KIF15: variants seen among roughly 807,000 people sequenced by gnomAD.
The protein encoded by KIF15 is kinesin-like protein KIF15.
Under a neutral mutation model 190.6 loss-of-function variants are expected in KIF15, and 140 were observed. The observed-to-expected ratio is 0.73, with a 90% CI of 0.64 to 0.84. The LOEUF is 0.84. Ranked by LOEUF, KIF15 falls within the 40% of genes least tolerant of loss-of-function variation. The pLI is 0.00. For synonymous variants in KIF15, 528 were observed against 551.3 expected (o/e 0.96, Z 0.59); for missense variants, 1,372 against 1,584.4 (o/e 0.87, Z 2.28).
downstream of KIF15, among the ~76,000 whole-genome samples, chr3:44,857,546 G>A (rs374637670): frequency 5.9e-5 from 9 of 152,208 alleles, no homozygotes; most frequent in East Asian, 9.6e-4. Context: ...GTCACAGAGA[G>A]CTAGTGCAGG....
Position 44,851,981 on chromosome 3 carries a change from T to A in KIF15, c.3972+29T>A, listed in dbSNP as rs1699076871. ...TGCTAGTGTGTTGGTGTTTTCATGA[T>A]ACTTAGAACACTCAAATGAATAGAA... is the stretch of plus-strand genomic sequence containing the variant. On this transcript the variant is annotated intron_variant, in intron 33 of 34. Coordinates refer to ENST00000326047, the MANE Select transcript of KIF15 (RefSeq NM_020242.3). 10 of 1,593,966 alleles carry A rather than the reference T, an allele frequency of 6.3e-6. No homozygotes were observed. In the East Asian group the frequency reaches 2.2e-4, roughly 36 times the overall value.
chr3:44,787,864 GT>G (rs1459079605), intron 7 of KIF15, among the ~76,000 whole-genome samples: 9 of 150,818 alleles, frequency 6.0e-5, no homozygotes, highest in Admixed American at 6.6e-5. Flanking sequence ...TTTTTTATTT[GT>G]TTTTTTGGAG....
At chr3:44,837,076 T>C (rs1049370656) in intron 26 of KIF15, among the ~76,000 whole-genome samples, 13 of 152,184 alleles carry the variant, frequency 8.5e-5, no homozygotes, top group Non-Finnish European at 4.4e-5. Flanking sequence ...TGTAACTTTC[T>C]TACGTTTTAA....
intron 6 of KIF15, chr3:44,865,393 T>A: frequency 1.7e-6 from 1 of 597,796 alleles, no homozygotes; most frequent in Non-Finnish European, 2.8e-6. Context: ...ATCTGTACAG[T>A]GCTTTGGATT....
chr3:44,794,435 GA>G lies in KIF15; in HGVS notation c.849+12del. The G allele has an allele frequency of 6.4e-7, 1 of 1,566,786 alleles. No individual in the cohort carries two copies. The highest frequency in any genetic ancestry group is 8.7e-7 in the Non-Finnish European group (1 of 1,153,552). On this transcript the variant is annotated intron_variant, in intron 8 of 34. Coordinates refer to ENST00000326047, the MANE Select transcript of KIF15 (RefSeq NM_020242.3). ...AAGGGATGAGATTGAAGGTAAGAAT[GA>G]AATTATGGTCTTCAACTTGTGTGTG...
At chr3:44,849,356 C>G (rs1698980010) in intron 32 of KIF15, among the ~76,000 whole-genome samples, 1 of 152,142 alleles carries the variant, frequency 6.6e-6, no homozygotes, top group Non-Finnish European at 1.5e-5. Flanking sequence ...GGCCCAGTAG[C>G]TCACGCCTGT....
chr3:44,853,462 C>T (rs1027588156), downstream of KIF15, among the ~76,000 whole-genome samples: 2 of 152,166 alleles, frequency 1.3e-5, no homozygotes, highest in African/African-American at 4.8e-5. Context: ...CTGATGGATA[C>T]TTGAATTGTT....
Position 44,827,380 on chromosome 3 carries a change from A to T in KIF15, c.2787-79A>T, listed in dbSNP as rs1297567513. 7.0e-6 allele frequency: 7 copies of T among 993,636 alleles called. No homozygotes were observed. The East Asian group carries it at 1.7e-4, about 24-fold the overall frequency. The allele number at this position is 993,636 out of a possible 1,614,324, so 61.6% of individuals were successfully genotyped here. A position where few individuals can be genotyped will look rare whatever the true frequency, so the allele number is the denominator to read the frequency against. ...TGCCTAACAAAGTTCATTTGCACTT[A>T]ATCTATTCTGTACTAACAGATTCAG... On this transcript the variant is annotated intron_variant, in intron 22 of 34. Transcript: ENST00000326047.
At position 44,761,828 on chromosome 3, in the gene KIF15, C is replaced by A. The variant is rs184678594; in HGVS notation, c.-38C>A. ...CGGTGCAGTCGGGAGGTGGAGGCACCGGCTGCATTGTTTTCGGGATCGAGG... is the reference window on the plus strand; with the variant it reads ...CGGTGCAGTCGGGAGGTGGAGGCACAGGCTGCATTGTTTTCGGGATCGAGG... On this transcript the variant is annotated 5_prime_UTR_variant, in exon 1 of 35. Transcript: ENST00000326047. The A allele has an allele frequency of 1.9e-6, 3 of 1,614,076 alleles. No individual in the cohort carries two copies. Among genetic ancestry groups the A allele is most frequent in the Middle Eastern group, 1.6e-4 (1 of 6,062 alleles).
In KIF15 at chr3:44,851,844, T is replaced by G. The variant is rs1407709331; in HGVS notation, c.3864T>G (p.Thr1288=). 8 of 1,613,936 alleles carry G rather than the reference T, an allele frequency of 5.0e-6. No individual in the cohort carries two copies. In the South Asian group the frequency reaches 8.8e-5, roughly 18 times the overall value. ...YNKEMECLRM[T]DEVERTQTLE... is the part of the protein sequence containing the mutation. ...AAGAGATGGAATGCCTTAGAATGAC[T>G]GATGAAGTCGAACGAACCCAAACTT... The change falls in exon 33 of 35, where the codon ACT becomes ACG. Residue 1288 remains threonine, a synonymous_variant. Transcript: ENST00000326047.
At chr3:44,800,553 T>G in intron 11 of KIF15, 116 bp downstream of exon 11, 24 of 963,720 alleles carry the variant, frequency 2.5e-5, no homozygotes, top group African/African-American at 3.3e-5. Context: ...CAGGTATCTC[T>G]TTCTGCTTAT....
chr3:44,812,077 A>ATTTGT (rs1455053780), intron 17 of KIF15, 105 bp from the exon 18 acceptor site: 1 of 821,604 alleles, frequency 1.2e-6, no homozygotes, highest in South Asian at 1.7e-5. Context: ...GAGGTTTTGA[A>ATTTGT]TTTGTTTTGT....
chr3:44,850,185 A>G (rs1487315661), intron 32 of KIF15, among the ~76,000 whole-genome samples: 4 of 152,212 alleles, frequency 2.6e-5, no homozygotes, highest in Non-Finnish European at 4.4e-5. Flanking sequence ...TGATCAGCTG[A>G]CAAAGACCAC....
At chr3:44,764,900 G>C (rs1421475564) in intron 1 of KIF15, among the ~76,000 whole-genome samples, 2 of 152,316 alleles carry the variant, frequency 1.3e-5, no homozygotes, top group East Asian at 3.9e-4. Context: ...GTCTCCCAAA[G>C]TGTTGGGATC....
chr3:44,774,367 G>C (rs1705774252), intron 1 of KIF15, 28 bp from the exon 2 acceptor site: 1 of 1,601,318 alleles, frequency 6.2e-7, no homozygotes, highest in Non-Finnish European at 8.5e-7. Flanking sequence ...CAATTTAAAT[G>C]ACCTTTAATA....
chr3:44,778,054 G>A (rs1705980693), intron 3 of KIF15, 61 bp from the exon 4 acceptor site: 2 of 1,397,830 alleles, frequency 1.4e-6, no homozygotes, highest in East Asian at 4.6e-5. Flanking sequence ...ATTGTAGAAT[G>A]CAATTTAGGA....
intron 20 of KIF15, among the ~76,000 whole-genome samples, chr3:44,820,069 G>A (rs1023316320): frequency 1.3e-5 from 2 of 151,932 alleles, no homozygotes; most frequent in Admixed American, 6.6e-5. Flanking sequence ...GATTGCAATC[G>A]CTGGTTTTTT....
At chr3:44,837,273 C>T (rs1229714691) in intron 26 of KIF15, among the ~76,000 whole-genome samples, 3 of 152,294 alleles carry the variant, frequency 2.0e-5, no homozygotes, top group African/African-American at 7.2e-5. Context: ...AGTTTATGTT[C>T]AGCCTTTGGG....
chr3:44,840,584 C>CT, intron 28 of KIF15, 128 bp downstream of exon 28: 1 of 560,036 alleles, frequency 1.8e-6, no homozygotes, highest in Non-Finnish European at 3.1e-6. Context: ...CCTCTGTCTG[C>CT]TTTTTACTTG....
Sources: gnomAD v4.1 joint callset for allele counts (sites outside exome capture counted in the v4.1 genomes callset) on GRCh38, gnomAD v4.1.1 for gene constraint, MANE v1.5 for transcripts, NCBI Gene and HGNC (gene_info 2026-07-23, HGNC 2026-07-21) for gene names.